The following AP2A2 variants were observed in gnomAD, a reference collection of about 807,000 sequenced individuals.
AP2A2 encodes the protein adaptor related protein complex 2 subunit alpha 2.
AP2A2 carries 32 observed loss-of-function variants against 104.2 expected under a neutral mutation model. The ratio of observed to expected loss-of-function variants is 0.31; its 90% CI spans 0.23 to 0.41. The LOEUF is 0.41. AP2A2 is among the 10% of genes least tolerant of loss of function. The pLI is 1.00. For synonymous variants in AP2A2, 539 were observed against 533.3 expected, an observed-to-expected ratio of 1.01 and a Z score of -0.15; for missense variants, 912 against 1,261.0, an observed-to-expected ratio of 0.72 and a Z score of 4.19.
chr11:995,007 G>C (rs577348001), intron 14 of AP2A2, among the ~76,000 whole-genome samples: 1 of 151,746 alleles, frequency 6.6e-6, no homozygotes. Flanking sequence ...GGCCTGTCCC[G>C]GGGGCCACTG....
intron 1 of AP2A2, among the ~76,000 whole-genome samples, chr11:945,107 G>A (rs2134499242): frequency 6.6e-6 from 1 of 152,210 alleles, no homozygotes; most frequent in African/African-American, 2.4e-5. Context: ...GGATGTGGGG[G>A]ATGGTCTGGA....
chr11:993,764 CAGTTCCACCTGCTGCACTCCA>C lies in AP2A2; in HGVS notation c.1573_1593del (p.Leu525_Leu531del). The C allele has an allele frequency of 1.3e-6, 2 of 1,596,728 alleles. No individual in the cohort carries two copies. The highest frequency in any genetic ancestry group is 8.5e-7 in the Non-Finnish European group (1 of 1,174,470). ...CCTCCCCGTCCCCAGCCCGCTGATC[CAGTTCCACCTGCTGCACTCCA>C]AGTTCCACCTGTGCAGCGTCCCCAC... On this transcript the variant is annotated inframe_deletion, in exon 13 of 22. Coordinates refer to ENST00000448903, the MANE Select transcript of AP2A2 (RefSeq NM_012305.4). This position sits in a 1 kb window ranked among gnomAD's most constrained non-coding sequence, Gnocchi z 8.2.
At chr11:1,004,529 A>T (rs1432814618) in intron 16 of AP2A2, among the ~76,000 whole-genome samples, 2 of 151,976 alleles carry the variant, frequency 1.3e-5, no homozygotes, top group Non-Finnish European at 1.5e-5. Context: ...TAATTCCAGC[A>T]CTTTGGGAGG....
At chr11:962,757 A>G (rs1210874384) in intron 2 of AP2A2, among the ~76,000 whole-genome samples, 1 of 152,118 alleles carries the variant, frequency 6.6e-6, no homozygotes, top group Non-Finnish European at 1.5e-5. Context: ...TTTGTTTTAT[A>G]AATTCTGTAT....
chr11:932,118 C>T (rs934521689), intron 1 of AP2A2, among the ~76,000 whole-genome samples: 2 of 152,168 alleles, frequency 1.3e-5, no homozygotes, highest in African/African-American at 4.8e-5. Flanking sequence ...TCTGCCACCA[C>T]GCCTAGCTAA....
Position 972,167 on chromosome 11 carries a change from G to T in AP2A2, c.385G>T (p.Gly129Cys), listed in dbSNP as rs1256820733. The T allele has an allele frequency of 6.2e-7, 1 of 1,613,276 alleles. No homozygotes were observed. The highest frequency in any genetic ancestry group is 1.1e-5 in the South Asian group (1 of 91,000). ...DLASRNPTFM[G>C]LALHCIASVG... ...GGCCAGCCGCAACCCCACCTTCATG[G>T]GCCTGGCCCTGCACTGCATCGCCAG... The change falls in exon 4 of 22, where the codon GGC becomes TGC. Residue 129 changes from glycine (G) to cysteine (C), a missense_variant. Physicochemically the swap from Gly to Cys is radical, Grantham distance 159 (BLOSUM62 -3). Coordinates refer to ENST00000448903, the MANE Select transcript of AP2A2 (RefSeq NM_012305.4).
At chr11:1,003,899 T>A in intron 16 of AP2A2, 95 bp downstream of exon 16, 1 of 797,504 alleles carries the variant, frequency 1.3e-6, no homozygotes, top group Non-Finnish European at 1.9e-6. Context: ...GGGATAGATA[T>A]CCAGAATATA....
chr11:932,901 G>T, intron 1 of AP2A2: 1 of 360,886 alleles, frequency 2.8e-6, no homozygotes, highest in Non-Finnish European at 5.5e-6. Context: ...AACAATCTGT[G>T]TCAAGATTTT....
chr11:936,677 C>A (rs1032086407), intron 1 of AP2A2, among the ~76,000 whole-genome samples: 1 of 152,084 alleles, frequency 6.6e-6, no homozygotes, highest in South Asian at 2.1e-4. Context: ...TGTGAGCCAC[C>A]ACGCCTGGCC....
chr11:950,015 G>A (rs1853993107), intron 1 of AP2A2, among the ~76,000 whole-genome samples: 1 of 152,124 alleles, frequency 6.6e-6, no homozygotes, highest in Admixed American at 6.5e-5. Context: ...CTGGTATAAG[G>A]ACAGATACGT....
rs779563376 is a variant in AP2A2 at position 1,011,366 on chromosome 11, G to T, written c.*741G>T. ...AGGACTCCAGGGTAAAGTGTGGGCCGGTGGCGCAAGACTCAGAGGTGTGCT... is the reference window on the plus strand; with the variant it reads ...AGGACTCCAGGGTAAAGTGTGGGCCTGTGGCGCAAGACTCAGAGGTGTGCT... On this transcript the variant is annotated 3_prime_UTR_variant, in exon 22 of 22. Coordinates refer to ENST00000448903, the MANE Select transcript of AP2A2 (RefSeq NM_012305.4). 1.9e-6 allele frequency: 1 copy of T among 518,062 alleles called. No homozygotes were observed. 32.1% of individuals were successfully genotyped at this position (518,062 alleles called of 1,614,324 possible).
In AP2A2 at chr11:1,006,565, G is replaced by T. The variant is rs373157959; in HGVS notation, c.2244G>T (p.Thr748=). 4 of 1,613,528 alleles carry T rather than the reference G, an allele frequency of 2.5e-6. No individual in the cohort carries two copies. The African/African-American group carries it at 5.3e-5, about 22-fold the overall frequency. ...TCTTTTATGGTAATAAGACCTCCAC[G>T]CAGTTCCTAAACTTTACCCCAACAC... is the stretch of plus-strand genomic sequence containing the variant. ...MFIFYGNKTS[T]QFLNFTPTLI... is the part of the protein sequence containing the mutation. Residue 748 remains threonine (T), a synonymous_variant, in exon 17 of 22, where the codon ACG becomes ACT. Transcript: ENST00000448903.
At chr11:1,003,521 G>T in intron 15 of AP2A2, 1 of 477,350 alleles carries the variant, frequency 2.1e-6, no homozygotes, top group African/African-American at 2.0e-5. Context: ...GGCTGTGTCC[G>T]CGTCCCTGCG....
intron 1 of AP2A2, among the ~76,000 whole-genome samples, chr11:932,113 C>G (rs1236586731): frequency 6.6e-6 from 1 of 152,152 alleles, no homozygotes; most frequent in Non-Finnish European, 1.5e-5. Flanking sequence ...AGGTGTCTGC[C>G]ACCACGCCTA....
intron 8 of AP2A2, 42 bp from the exon 9 acceptor site, chr11:986,743 C>G: frequency 6.2e-7 from 1 of 1,600,406 alleles, no homozygotes; most frequent in Non-Finnish European, 8.5e-7. Flanking sequence ...TTGTGTTGCA[C>G]TTGCTGAGGA....
chr11:977,007 CGTCTCCTGCTGGCTCT>C (rs1855065020), intron 4 of AP2A2, 72 bp from the exon 5 acceptor site: 2 of 1,562,616 alleles, frequency 1.3e-6, no homozygotes, highest in African/African-American at 2.7e-5. Context: ...CCCACCCCCG[CGTCTCCTGCTGGCTCT>C]GGGGGGGTGC....
chr11:1,009,092 G>GCTC lies in AP2A2; in HGVS notation c.2421-6_2421-5insCCT. 1 of 1,605,958 alleles carries GCTC rather than the reference G, an allele frequency of 6.2e-7. No homozygotes were observed. The highest frequency in any genetic ancestry group is 8.5e-7 in the Non-Finnish European group (1 of 1,174,292). ...ACTGTCTCTTTCTGCTGCTGCTGCT[G>GCTC]CTGGCAGGTATGGGGGCACCTTCCA... On this transcript the variant is annotated splice_region_variant and splice_polypyrimidine_tract_variant and intron_variant, in intron 18 of 21. Transcript: ENST00000448903.
chr11:1,010,408 C>T lies in AP2A2; in HGVS notation c.2743-140C>T, dbSNP rs554224581. The T allele has an allele frequency of 3.9e-4, 255 of 659,048 alleles. 4 individuals carry two copies. In the South Asian group the frequency reaches 4.5e-3, roughly 12 times the overall value. The allele number at this position is 659,048 out of a possible 1,614,324, so 40.8% of individuals were successfully genotyped here. On this transcript the variant is annotated intron_variant, in intron 21 of 21. Coordinates refer to ENST00000448903, the MANE Select transcript of AP2A2 (RefSeq NM_012305.4). ...TTTCATGCTGACAGTGTGTGTGGTGCTCAGGCCTCTGCCGAGTTGTGGGTG... is the reference window on the plus strand; with the variant it reads ...TTTCATGCTGACAGTGTGTGTGGTGTTCAGGCCTCTGCCGAGTTGTGGGTG...
intron 2 of AP2A2, 72 bp from the exon 3 acceptor site, chr11:970,097 C>A (rs1854766015): frequency 1.3e-6 from 2 of 1,545,312 alleles, no homozygotes; most frequent in Non-Finnish European, 1.8e-6. Context: ...TACTGCTGCA[C>A]TGCCCTCTGC....
Sources: gnomAD v4.1 joint callset for allele counts (sites outside exome capture counted in the v4.1 genomes callset) on GRCh38, gnomAD v4.1.1 for gene constraint, Gnocchi (gnomAD v3.1) non-coding constraint, MANE v1.5 for transcripts, NCBI Gene and HGNC (gene_info 2026-07-23, HGNC 2026-07-21) for gene names.